The following SHROOM2 variants were observed in gnomAD, a reference collection of about 807,000 sequenced individuals.
The protein encoded by SHROOM2 is shroom family member 2.
Under a neutral mutation model 75.9 loss-of-function variants are expected in SHROOM2, and 33 were observed. The observed-to-expected ratio is 0.43, with a 90% CI of 0.33 to 0.58. The LOEUF is 0.58. SHROOM2 is among the 20% of genes least tolerant of loss of function. SHROOM2 has a pLI of 0.04. For synonymous variants in SHROOM2, 655 were observed against 663.6 expected (o/e 0.99, Z 0.20); for missense variants, 1,434 against 1,461.2 (o/e 0.98, Z 0.30).
At chrX:9,791,096 C>T (rs1177712981) in intron 1 of SHROOM2, among the ~76,000 whole-genome samples, 1 of 109,324 alleles carries the variant, frequency 9.1e-6, no homozygotes, top group Non-Finnish European at 1.9e-5. Context: ...CTTCATGGCT[C>T]AGTTATGAGT....
chrX:9,936,029 T>A (rs1471965693), intron 6 of SHROOM2, among the ~76,000 whole-genome samples: 2 of 111,252 alleles, frequency 1.8e-5, no homozygotes, highest in Non-Finnish European at 3.8e-5. Flanking sequence ...CTGGGCCTGT[T>A]CCTCCTGTTC....
rs1306485407 is a variant in SHROOM2, at chrX:9,939,180, C to T, written c.4140-15C>T. ...CACAGTCCCAGCTCATTGAAGTTCC[C>T]ACACCTTTACCCAGGAAAGAGGAGC... On this transcript the variant is annotated splice_polypyrimidine_tract_variant and intron_variant, in intron 7 of 9. Coordinates refer to ENST00000380913, the MANE Select transcript of SHROOM2 (RefSeq NM_001649.4). 8.4e-7 allele frequency: 1 copy of T among 1,189,253 alleles called. No homozygotes were observed. The highest frequency in any genetic ancestry group is 1.9e-5 in the South Asian group (1 of 53,186).
chrX:9,837,537 C>G (rs897410615), intron 1 of SHROOM2, among the ~76,000 whole-genome samples: 2 of 112,221 alleles, frequency 1.8e-5, no homozygotes, highest in African/African-American at 6.5e-5. Context: ...GGGCGGCATG[C>G]GGAAGGAACA....
In SHROOM2 at chrX:9,894,515, C is replaced by T; in HGVS notation, c.607C>T (p.His203Tyr). The T allele has an allele frequency of 8.3e-7, 1 of 1,211,538 alleles. No homozygotes were observed. The highest frequency in any genetic ancestry group is 3.0e-5 in the East Asian group (1 of 33,825). Residue 203 changes from histidine (H) to tyrosine (Y), a missense_variant, in exon 4 of 10, where the codon CAC (histidine) becomes TAC (tyrosine). By Grantham distance (83) the His-to-Tyr change is moderately conservative. This residue lies in a region of SHROOM2 where 1,340 missense variants were observed against 1,338.3 expected (regional missense o/e 1.00). Coordinates refer to ENST00000380913, the MANE Select transcript of SHROOM2 (RefSeq NM_001649.4). ...SNSSIDHLGS[H>Y]SKRDSAYGSF... is the part of the protein sequence containing the mutation. ...CAGCAGCATCGACCACCTGGGCAGC[C>T]ACAGCAAGCGCGACTCGGCCTACGG...
intron 5 of SHROOM2, among the ~76,000 whole-genome samples, chrX:9,927,630 G>A (rs1049433768): frequency 3.6e-5 from 4 of 111,666 alleles, no homozygotes; most frequent in African/African-American, 6.5e-5. Flanking sequence ...TTAAAATTCC[G>A]CACAAAAAAA....
intron 1 of SHROOM2, among the ~76,000 whole-genome samples, chrX:9,846,662 T>A (rs1176961472): frequency 8.9e-6 from 1 of 112,211 alleles, no homozygotes; most frequent in Non-Finnish European, 1.9e-5. Flanking sequence ...ACTCCTGACC[T>A]CAGGCATGAG....
rs1283663666 is a variant in SHROOM2, at chrX:9,922,633, A to G, written c.2892-9542A>G. ...CTGGCTAGTGTTCCCTTCTGTGAAT[A>G]CAGCACCACTGGTTGATCCACTCAC... is the stretch of plus-strand genomic sequence containing the variant. On this transcript the variant is annotated intron_variant, in intron 5 of 9. Coordinates refer to ENST00000380913, the MANE Select transcript of SHROOM2 (RefSeq NM_001649.4). Among the ~76,000 whole-genome samples the G allele has an allele frequency of 5.4e-5, 6 of 111,185 alleles. No homozygotes were observed. The Admixed American group carries it at 5.7e-4, about 11-fold the overall frequency.
chrX:9,872,091 G>A lies in SHROOM2; in HGVS notation c.166-1561G>A, dbSNP rs2084173946. ...CCAAGCTACTCAATTCTGCCCTGTA[G>A]CAATATGTAAACCAATGGGTGTGAC... On this transcript the variant is annotated intron_variant, in intron 1 of 9. Transcript: ENST00000380913. Among the ~76,000 whole-genome samples the A allele has an allele frequency of 2.7e-5, 3 of 112,438 alleles. No homozygotes were observed. In the South Asian group the frequency reaches 1.1e-3, roughly 41 times the overall value.
At chrX:9,889,880 C>T (rs1313456575) in intron 2 of SHROOM2, among the ~76,000 whole-genome samples, 1 of 112,105 alleles carries the variant, frequency 8.9e-6, no homozygotes, top group Non-Finnish European at 1.9e-5. Flanking sequence ...GTGACCCAGC[C>T]GCCTGAGGGA....
rs777050083 is a variant in SHROOM2, at chrX:9,843,391, C to T, written c.166-30261C>T. On this transcript the variant is annotated intron_variant, in intron 1 of 9. Transcript: ENST00000380913. Reference sequence around the variant, plus strand: ...TGTCCTTTTCTGTCCTGGGATTAACCACATGACTTTTTTTTTTTTTTAACT... The same window carrying T: ...TGTCCTTTTCTGTCCTGGGATTAACTACATGACTTTTTTTTTTTTTTAACT... Among the ~76,000 whole-genome samples, 188 of 110,079 alleles carry T rather than the reference C, an allele frequency of 1.7e-3. 2 individuals are homozygous for T. The highest frequency in any genetic ancestry group is 2.9e-3 in the Non-Finnish European group (155 of 52,699).
At chrX:9,813,817 A>G (rs990749917) in intron 1 of SHROOM2, among the ~76,000 whole-genome samples, 1 of 112,229 alleles carries the variant, frequency 8.9e-6, no homozygotes, top group Non-Finnish European at 1.9e-5. Flanking sequence ...CACGAGTCAG[A>G]CTATTCTGAT....
At chrX:9,791,230 C>T in intron 1 of SHROOM2, among the ~76,000 whole-genome samples, 1 of 111,499 alleles carries the variant, frequency 9.0e-6, no homozygotes, top group Admixed American at 9.6e-5. Context: ...CAGTTTTCAC[C>T]TTGTCCTAAT....
chrX:9,820,979 T>C (rs2083850275), intron 1 of SHROOM2, among the ~76,000 whole-genome samples: 1 of 112,424 alleles, frequency 8.9e-6, no homozygotes, highest in Non-Finnish European at 1.9e-5. Flanking sequence ...GAGCAGTAAT[T>C]GGCATCCTGG....
intron 1 of SHROOM2, among the ~76,000 whole-genome samples, chrX:9,795,442 A>G (rs765245661): frequency 1.1e-3 from 128 of 111,987 alleles, no homozygotes; most frequent in Middle Eastern, 9.3e-3. Flanking sequence ...TTCCTTTTTC[A>G]TACCATACTG....
intron 1 of SHROOM2, among the ~76,000 whole-genome samples, chrX:9,865,753 G>A (rs183628336): frequency 0.037 from 4,029 of 108,246 alleles, 183 homozygotes; most frequent in African/African-American, 0.13. Flanking sequence ...GTAGAGACGG[G>A]GTTTCACCAT....
intron 1 of SHROOM2, among the ~76,000 whole-genome samples, chrX:9,815,429 A>G (rs1463867388): frequency 1.4e-5 from 1 of 70,462 alleles, no homozygotes; most frequent in African/African-American, 5.2e-5. Flanking sequence ...ATAGATATAC[A>G]TATTATGTGT....
intron 1 of SHROOM2, among the ~76,000 whole-genome samples, chrX:9,824,699 A>G (rs1328818059): frequency 2.7e-5 from 3 of 111,737 alleles, no homozygotes; most frequent in Non-Finnish European, 5.6e-5. Context: ...TTGGAATGCA[A>G]GCCAGTGGAT....
intron 5 of SHROOM2, among the ~76,000 whole-genome samples, chrX:9,903,794 C>T (rs1331196696): frequency 9.0e-6 from 1 of 111,168 alleles, no homozygotes; most frequent in East Asian, 2.8e-4. Flanking sequence ...ATCCACCCAT[C>T]TCAGCCTCCC....
intron 1 of SHROOM2, among the ~76,000 whole-genome samples, chrX:9,792,808 C>T (rs2083674286): frequency 9.1e-6 from 1 of 109,775 alleles, no homozygotes; most frequent in Non-Finnish European, 1.9e-5. Context: ...GCAACCTCCG[C>T]CTCTGGGGTT....
Sources: gnomAD v4.1 joint callset for allele counts (sites outside exome capture counted in the v4.1 genomes callset) on GRCh38, gnomAD v4.1.1 for gene constraint, gnomAD v4.1.1 regional missense constraint, MANE v1.5 for transcripts, NCBI Gene and HGNC (gene_info 2026-07-23, HGNC 2026-07-21) for gene names.